SLC20A2: variants seen among roughly 807,000 people sequenced by gnomAD.
SLC20A2 encodes the protein solute carrier family 20 member 2.
A neutral mutation model predicts 61.0 loss-of-function variants in SLC20A2; 30 were observed. The observed-to-expected ratio is 0.49, with a 90% CI of 0.37 to 0.67. The LOEUF is 0.67. SLC20A2 is among the 30% of genes least tolerant of loss of function. The pLI is 0.00. For synonymous variants in SLC20A2, 351 were observed against 353.3 expected, an observed-to-expected ratio of 0.99 and a Z score of 0.07; for missense variants, 626 against 866.4, an observed-to-expected ratio of 0.72 and a Z score of 3.48.
Position 42,459,975 on chromosome 8 carries a change from A to G in SLC20A2, c.534T>C (p.Asn178=), listed in dbSNP as rs776382118. 1.2e-6 allele frequency: 2 copies of G among 1,611,028 alleles called. No homozygotes were observed. Among genetic ancestry groups the G allele is most frequent in the African/African-American group, 1.3e-5 (1 of 74,892 alleles). Residue 178 remains asparagine, a synonymous_variant, in exon 5 of 11, where the codon AAT becomes AAC. Transcript: ENST00000520262. ...AGAATACTGGGAGTGCCCGGAGGCCATTGGGAACAGGGTCTTCCTGTAGGA... is the reference window on the plus strand; with the variant it reads ...AGAATACTGGGAGTGCCCGGAGGCCGTTGGGAACAGGGTCTTCCTGTAGGA... ...FILKKEDPVP[N]GLRALPVFYA...
chr8:42,526,355 TA>T (rs767614361), intron 1 of SLC20A2, among the ~76,000 whole-genome samples: 3,155 of 144,336 alleles, frequency 0.022, 35 homozygotes, highest in South Asian at 0.047. Context: ...CAAGGTCATT[TA>T]AAAAAAAAAA....
chr8:42,505,109 CTT>C (rs11295337), upstream of SLC20A2, among the ~76,000 whole-genome samples: 442 of 142,446 alleles, frequency 3.1e-3, no homozygotes, highest in African/African-American at 4.2e-3. Flanking sequence ...CCCCCCCAAC[CTT>C]TTTTTTTTTT....
intron 1 of SLC20A2, among the ~76,000 whole-genome samples, chr8:42,487,778 AGTG>A (rs1745043218): frequency 6.6e-6 from 1 of 152,240 alleles, no homozygotes; most frequent in African/African-American, 2.4e-5. Context: ...ACCATTTGAA[AGTG>A]TACGGTTCAG....
chr8:42,422,854 T>TA (rs1803137896), intron 10 of SLC20A2, among the ~76,000 whole-genome samples: 1 of 152,190 alleles, frequency 6.6e-6, no homozygotes, highest in Non-Finnish European at 1.5e-5. Flanking sequence ...TCTCTGTTGT[T>TA]ACAATGTCTT....
chr8:42,471,177 C>T (rs572754304), intron 2 of SLC20A2: 5 of 456,238 alleles, frequency 1.1e-5, no homozygotes, highest in South Asian at 7.7e-5. Context: ...TATACATCAG[C>T]TGTCTGTTGT....
At chr8:42,450,911 G>C (rs140116986) in intron 5 of SLC20A2, among the ~76,000 whole-genome samples, 2 of 152,304 alleles carry the variant, frequency 1.3e-5, no homozygotes, top group Non-Finnish European at 2.9e-5. Flanking sequence ...TCCAGCTCTT[G>C]GTGATAACTG....
At position 42,437,467 on chromosome 8, in the gene SLC20A2, T is replaced by C. The variant is rs1051195741; in HGVS notation, c.1045A>G (p.Lys349Glu). 11 of 1,614,046 alleles carry C rather than the reference T, an allele frequency of 6.8e-6. No individual in the cohort carries two copies. The highest frequency in any genetic ancestry group is 9.3e-6 in the Non-Finnish European group (11 of 1,180,032). ...AGATCTTTGTAGAGCCCCGAGTCTTTGTGCACGGTGTGGTACACATGACCG... is the reference window on the plus strand; with the variant it reads ...AGATCTTTGTAGAGCCCCGAGTCTTCGTGCACGGTGTGGTACACATGACCG... The part of the protein sequence containing the change: ...SDGHVYHTVH[K>E]DSGLYKDLLH... The change falls in exon 8 of 11, where the codon AAA becomes GAA. Residue 349 changes from lysine to glutamate, a missense_variant. Lys to Glu is a moderately conservative substitution (Grantham distance 56). This residue lies in a region of SLC20A2 where 361 missense variants were observed against 422.3 expected (regional missense o/e 0.85). Coordinates refer to ENST00000520262, the MANE Select transcript of SLC20A2 (RefSeq NM_001257180.2). This position sits in a 1 kb window ranked among gnomAD's most constrained non-coding sequence, Gnocchi z 6.4.
At chr8:42,434,943 T>C (rs1804140009) in intron 8 of SLC20A2, among the ~76,000 whole-genome samples, 1 of 152,054 alleles carries the variant, frequency 6.6e-6, no homozygotes. Flanking sequence ...TGCATCTGAG[T>C]GTGTGAATGT....
chr8:42,472,538 C>T lies in SLC20A2; in HGVS notation c.-148G>A. The T allele has an allele frequency of 1.4e-6, 1 of 692,682 alleles. No individual in the cohort carries two copies. Among genetic ancestry groups the T allele is most frequent in the Non-Finnish European group, 2.4e-6 (1 of 421,718 alleles). The allele number at this position is 692,682 out of a possible 1,614,324, so 42.9% of individuals were successfully genotyped here. A position where few individuals can be genotyped will look rare whatever the true frequency, so the allele number is the denominator to read the frequency against. On this transcript the variant is annotated 5_prime_UTR_variant, in exon 2 of 11. Coordinates refer to ENST00000520262, the MANE Select transcript of SLC20A2 (RefSeq NM_001257180.2). The surrounding 1 kb of genome is among the most constrained non-coding windows in gnomAD (Gnocchi z 4.1). Reference sequence around the variant, plus strand: ...TGGACAATGTTAGAGGCTGGACAAACTGCTAGCTGCTGGTTTGCAAACTAC... The same window carrying T: ...TGGACAATGTTAGAGGCTGGACAAATTGCTAGCTGCTGGTTTGCAAACTAC...
intron 1 of SLC20A2, among the ~76,000 whole-genome samples, chr8:42,473,547 G>A (rs1015339324): frequency 3.3e-5 from 5 of 152,064 alleles, no homozygotes; most frequent in African/African-American, 1.2e-4. Context: ...AAATATCACC[G>A]TTAAGAGAGG....
At chr8:42,452,204 G>C (rs546473223) in intron 5 of SLC20A2, among the ~76,000 whole-genome samples, 1 of 145,190 alleles carries the variant, frequency 6.9e-6, no homozygotes, top group South Asian at 2.3e-4. Flanking sequence ...GGAAGAGATG[G>C]AGGAGGAGGA....
rs199555562 is a variant in SLC20A2, at chr8:42,493,986, T to G, written c.-265+7045A>C. ...GCGAGACCCTGTCTCTATAAAACAT[T>G]TAAAAAATTAGCCAGGTGTCGTGGT... On this transcript the variant is annotated intron_variant, in intron 1 of 10. Coordinates refer to ENST00000520262, the MANE Select transcript of SLC20A2 (RefSeq NM_001257180.2). Among the ~76,000 whole-genome samples, 7 of 152,062 alleles carry G rather than the reference T, an allele frequency of 4.6e-5. No individual in the cohort carries two copies. The East Asian group carries it at 1.4e-3, about 29-fold the overall frequency.
At chr8:42,452,330 A>G (rs1805794197) in intron 5 of SLC20A2, among the ~76,000 whole-genome samples, 1 of 125,440 alleles carries the variant, frequency 8.0e-6, no homozygotes, top group South Asian at 2.5e-4. Context: ...GAGAAGAAAG[A>G]GATAGGAGGA....
At chr8:42,453,518 A>G (rs1234133277) in intron 5 of SLC20A2, among the ~76,000 whole-genome samples, 1 of 152,244 alleles carries the variant, frequency 6.6e-6, no homozygotes, top group Admixed American at 6.5e-5. Context: ...AACACGAACT[A>G]GGACACCACG....
chr8:42,421,771 C>T (rs1803058068), intron 10 of SLC20A2, among the ~76,000 whole-genome samples: 1 of 152,026 alleles, frequency 6.6e-6, no homozygotes, highest in African/African-American at 2.4e-5. Flanking sequence ...GCCATTATGG[C>T]ACTCCAGCCT....
At chr8:42,520,083 G>A (rs149171400) in intron 1 of SLC20A2, among the ~76,000 whole-genome samples, 1,960 of 140,130 alleles carry the variant, frequency 0.014, 44 homozygotes, top group African/African-American at 0.05. Context: ...ACATGATCTC[G>A]GCTCACTACA....
At chr8:42,526,503 C>T (rs1051304561) in intron 1 of SLC20A2, among the ~76,000 whole-genome samples, 3 of 151,902 alleles carry the variant, frequency 2.0e-5, no homozygotes, top group Admixed American at 6.6e-5. Context: ...GAAACCCCGT[C>T]TCTACTAAAA....
chr8:42,431,268 A>G (rs1455626956), intron 8 of SLC20A2, among the ~76,000 whole-genome samples: 1 of 152,234 alleles, frequency 6.6e-6, no homozygotes, highest in Non-Finnish European at 1.5e-5. Flanking sequence ...AAAGCAAAAC[A>G]GCCTTAGTGC....
At chr8:42,428,525 T>A (rs771858361) in intron 10 of SLC20A2, among the ~76,000 whole-genome samples, 1 of 152,244 alleles carries the variant, frequency 6.6e-6, no homozygotes, top group Non-Finnish European at 1.5e-5. Context: ...AGGCCAGCCC[T>A]GGCATTCTGC....
Sources: gnomAD v4.1 joint callset for allele counts (sites outside exome capture counted in the v4.1 genomes callset) on GRCh38, gnomAD v4.1.1 for gene constraint, gnomAD v4.1.1 regional missense constraint, Gnocchi (gnomAD v3.1) non-coding constraint, MANE v1.5 for transcripts, NCBI Gene and HGNC (gene_info 2026-07-23, HGNC 2026-07-21) for gene names.